Variants in PTPN9 observed in about 807,000 individuals in gnomAD.
PTPN9 encodes the protein tyrosine-protein phosphatase non-receptor type 9.
PTPN9 carries 26 observed loss-of-function variants against 69.8 expected under a neutral mutation model. That is an observed-to-expected ratio of 0.37 (90% CI 0.27 to 0.52). PTPN9 has a LOEUF of 0.52. PTPN9 is among the 20% of genes least tolerant of loss of function. The pLI is 0.91. For synonymous variants in PTPN9, 274 were observed against 272.5 expected, an observed-to-expected ratio of 1.01 and a Z score of -0.05; for missense variants, 549 against 740.3, an observed-to-expected ratio of 0.74 and a Z score of 3.00.
chr15:75,578,885 C>T lies in PTPN9; in HGVS notation c.-109G>A, dbSNP rs1264716304. ...GCGCCTCAGCAGCCCGGGGCCGGCT[C>T]GCGCATAGTGTGGCCGGCAGGGCCC... On this transcript the variant is annotated 5_prime_UTR_variant, in exon 1 of 13. Coordinates refer to ENST00000618819, the MANE Select transcript of PTPN9 (RefSeq NM_002833.4). The T allele has an allele frequency of 9.4e-6, 7 of 743,942 alleles. No homozygotes were observed. The highest frequency in any genetic ancestry group is 4.8e-5 in the Admixed American group (1 of 20,772). 46.1% of individuals were successfully genotyped at this position (743,942 alleles called of 1,614,324 possible).
intron 1 of PTPN9, among the ~76,000 whole-genome samples, chr15:75,528,553 AT>A (rs1334406212): frequency 6.6e-6 from 1 of 151,160 alleles, no homozygotes; most frequent in Non-Finnish European, 1.5e-5. Context: ...ACACCCAGTA[AT>A]TTTTTTCTTT....
At chr15:75,577,106 T>C (rs1249320063) in intron 1 of PTPN9, among the ~76,000 whole-genome samples, 1 of 152,238 alleles carries the variant, frequency 6.6e-6, no homozygotes, top group Non-Finnish European at 1.5e-5. Context: ...ATAAGGTTTT[T>C]ACTAGTTAAA....
intron 8 of PTPN9, among the ~76,000 whole-genome samples, chr15:75,482,455 C>A (rs1276808869): frequency 6.6e-6 from 1 of 151,000 alleles, no homozygotes. Flanking sequence ...GTCCCAGCTA[C>A]TCGGGAGGCT....
rs566792990 is a variant in PTPN9, at chr15:75,567,591, C to G, written c.63+11123G>C. ...CTTCAGAATAATTCAATAAACTTAC[C>G]TGTGCTACCTACACTGAAAAAAGTG... is the stretch of plus-strand genomic sequence containing the variant. On this transcript the variant is annotated intron_variant, in intron 1 of 12. Coordinates refer to ENST00000618819, the MANE Select transcript of PTPN9 (RefSeq NM_002833.4). Among the ~76,000 whole-genome samples the G allele has an allele frequency of 3.3e-5, 5 of 152,252 alleles. No individual in the cohort carries two copies. The South Asian group carries it at 8.3e-4, about 25-fold the overall frequency.
intron 9 of PTPN9, among the ~76,000 whole-genome samples, chr15:75,475,717 C>T (rs2074592189): frequency 6.6e-6 from 1 of 152,180 alleles, no homozygotes; most frequent in Admixed American, 6.5e-5. Context: ...TTCTACTACC[C>T]TTATTGCTAA....
At chr15:75,500,330 T>C (rs969129984) in intron 7 of PTPN9, among the ~76,000 whole-genome samples, 16 of 145,266 alleles carry the variant, frequency 1.1e-4, no homozygotes, top group African/African-American at 2.8e-4. Context: ...AATAAATAAA[T>C]AAACAAACAT....
At chr15:75,504,715 G>T (rs1595955705) in intron 7 of PTPN9, among the ~76,000 whole-genome samples, 1 of 145,148 alleles carries the variant, frequency 6.9e-6, no homozygotes, top group Admixed American at 6.8e-5. Context: ...CGCCCGGGAG[G>T]TGAGGGGCGC....
chr15:75,486,901 C>T (rs774093206), intron 8 of PTPN9, among the ~76,000 whole-genome samples: 9 of 151,366 alleles, frequency 5.9e-5, no homozygotes, highest in Non-Finnish European at 1.2e-4. Flanking sequence ...TCTCCTGCCT[C>T]GGCCTCCCGA....
At chr15:75,492,662 G>A (rs577754995) in intron 7 of PTPN9, among the ~76,000 whole-genome samples, 1 of 152,272 alleles carries the variant, frequency 6.6e-6, no homozygotes, top group Non-Finnish European at 1.5e-5. Context: ...CCAACAAAAA[G>A]CTAGTTGTCT....
intron 1 of PTPN9, among the ~76,000 whole-genome samples, chr15:75,557,687 G>A (rs1289379252): frequency 6.6e-6 from 1 of 152,054 alleles, no homozygotes; most frequent in Non-Finnish European, 1.5e-5. Flanking sequence ...TGGTAGGTAG[G>A]GCTTAGCTAT....
chr15:75,489,347 G>C (rs1224899830), intron 8 of PTPN9, among the ~76,000 whole-genome samples: 1 of 152,132 alleles, frequency 6.6e-6, no homozygotes, highest in African/African-American at 2.4e-5. Context: ...CCAGCACTTA[G>C]GGAGGCTGAG....
chr15:75,524,403 G>A (rs2074918488), intron 2 of PTPN9, 105 bp from the exon 3 acceptor site: 1 of 576,904 alleles, frequency 1.7e-6, no homozygotes, highest in Non-Finnish European at 3.1e-6. Context: ...ATCAATGAAT[G>A]AATGAATTAT....
intron 1 of PTPN9, among the ~76,000 whole-genome samples, chr15:75,530,529 A>G (rs1418893255): frequency 1.8e-5 from 1 of 56,634 alleles, no homozygotes; most frequent in Admixed American, 3.0e-4. Context: ...ATAATTTATT[A>G]TATAATATTA....
rs964374925 is a variant in PTPN9, at chr15:75,578,672, G to A, written c.63+42C>T. ...AGGCAGAGGCCGGCGTAGGCCTCGG[G>A]GGCCCGGACACACCCAACGCGGCGG... is the stretch of plus-strand genomic sequence containing the variant. On this transcript the variant is annotated intron_variant, in intron 1 of 12. Transcript: ENST00000618819. 4.5e-6 allele frequency: 6 copies of A among 1,325,184 alleles called. No individual in the cohort carries two copies. In the African/African-American group the frequency reaches 6.2e-5, roughly 14 times the overall value. The allele number at this position is 1,325,184 out of a possible 1,614,324, so 82.1% of individuals were successfully genotyped here. A position where few individuals can be genotyped will look rare whatever the true frequency, so the allele number is the denominator to read the frequency against.
At chr15:75,491,128 T>C (rs2074708645) in intron 7 of PTPN9, among the ~76,000 whole-genome samples, 1 of 149,864 alleles carries the variant, frequency 6.7e-6, no homozygotes, top group Admixed American at 6.6e-5. Context: ...AGAAGCTGGG[T>C]GTGGTGGCTC....
chr15:75,534,215 T>C (rs529641896), intron 1 of PTPN9, among the ~76,000 whole-genome samples: 70 of 152,338 alleles, frequency 4.6e-4, no homozygotes, highest in African/African-American at 1.4e-3. Context: ...TCTGAATGGA[T>C]GAATGTTCAT....
chr15:75,570,693 G>C (rs146413374), intron 1 of PTPN9, among the ~76,000 whole-genome samples: 1 of 151,980 alleles, frequency 6.6e-6, no homozygotes, highest in East Asian at 1.9e-4. Flanking sequence ...CTTGATCCTG[G>C]GAGGCTGGGA....
At chr15:75,557,424 C>CAA (rs375265279) in intron 1 of PTPN9, among the ~76,000 whole-genome samples, 39 of 143,324 alleles carry the variant, frequency 2.7e-4, no homozygotes, top group Admixed American at 6.4e-4. Context: ...GACTCTGTCT[C>CAA]AAAAAAAAAA....
intron 1 of PTPN9, among the ~76,000 whole-genome samples, chr15:75,541,429 C>T (rs918851082): frequency 6.8e-6 from 1 of 146,896 alleles, no homozygotes; most frequent in African/African-American, 2.5e-5. Context: ...TTTTTTGAGA[C>T]AGAGTCTCGC....
Sources: gnomAD v4.1 joint callset for allele counts (sites outside exome capture counted in the v4.1 genomes callset) on GRCh38, gnomAD v4.1.1 for gene constraint, MANE v1.5 for transcripts, NCBI Gene and HGNC (gene_info 2026-07-23, HGNC 2026-07-21) for gene names.